Variants in ERAP1 observed in about 807,000 individuals in gnomAD.
ERAP1 encodes adipocyte-derived leucine aminopeptidase.
Under a neutral mutation model 103.7 loss-of-function variants are expected in ERAP1, and 86 were observed. The ratio of observed to expected loss-of-function variants is 0.83; its 90% CI spans 0.70 to 0.99. The LOEUF (loss-of-function observed/expected upper bound fraction) is 0.99. ERAP1 is among the 50% of genes least tolerant of loss of function. The probability of loss-of-function intolerance (pLI) is 0.00; values close to 1 mark genes in which losing one functional copy is unlikely to be tolerated. For synonymous variants in ERAP1, 398 were observed against 402.4 expected, an observed-to-expected ratio of 0.99 and a Z score of 0.13; for missense variants, 1,009 against 1,128.4, an observed-to-expected ratio of 0.89 and a Z score of 1.52.
chr5:96,902,289 C>T, the ERAP1 span: 50 of 1,608,166 alleles, frequency 3.1e-5, no homozygotes, highest in Non-Finnish European at 4.1e-5. Context: ...TGTGGCATAT[C>T]CCATTGACCT....
chr5:96,836,182 T>G, the ERAP1 span, among the ~76,000 whole-genome samples: 1 of 150,074 alleles, frequency 6.7e-6, no homozygotes, highest in African/African-American at 2.4e-5. Flanking sequence ...TTTGGTTTTT[T>G]TTTTTTTTTT....
At chr5:96,862,781 G>A in the ERAP1 span, among the ~76,000 whole-genome samples, 1 of 152,108 alleles carries the variant, frequency 6.6e-6, no homozygotes, top group East Asian at 1.9e-4. Context: ...CCAAGCATAT[G>A]AGGCAATTGA....
chr5:96,915,710 A>C, the ERAP1 span: 1 of 1,593,558 alleles, frequency 6.3e-7, no homozygotes, highest in South Asian at 1.1e-5. Flanking sequence ...CTCATATGAC[A>C]TAAGGATGAT....
At chr5:96,886,495 G>C in the ERAP1 span, among the ~76,000 whole-genome samples, 1 of 152,216 alleles carries the variant, frequency 6.6e-6, no homozygotes. Context: ...GGAGGTAAGA[G>C]AGGCTACAGA....
At chr5:96,898,971 C>A in the ERAP1 span, among the ~76,000 whole-genome samples, 1 of 152,148 alleles carries the variant, frequency 6.6e-6, no homozygotes, top group East Asian at 1.9e-4. Flanking sequence ...TCCCCTCCAA[C>A]ACGGAAGAAT....
the ERAP1 span, chr5:96,902,352 A>G: frequency 1.4e-5 from 23 of 1,604,114 alleles, no homozygotes; most frequent in East Asian, 5.1e-4. Flanking sequence ...AATCAAAGAC[A>G]GGTAATGAAC....
the ERAP1 span, among the ~76,000 whole-genome samples, chr5:96,925,733 T>G: frequency 1.3e-5 from 2 of 152,026 alleles, no homozygotes. Context: ...AGGGTTCCAT[T>G]TGGGAAAAAA....
the ERAP1 span, among the ~76,000 whole-genome samples, chr5:96,819,160 G>A: frequency 2.0e-5 from 3 of 152,036 alleles, no homozygotes; most frequent in East Asian, 3.9e-4. Flanking sequence ...TCTTGACCTC[G>A]TGATCTGCCC....
At chr5:96,839,612 A>G in the ERAP1 span, among the ~76,000 whole-genome samples, 7 of 152,138 alleles carry the variant, frequency 4.6e-5, no homozygotes, top group African/African-American at 7.2e-5. Context: ...ATATATCGAC[A>G]CGGTCCACAG....
chr5:96,775,757 G>A lies in ERAP1; in HGVS notation c.*639C>T. ...CTCGGAGCTAAGACCCTCAGGGGAG[G>A]CCAGCCCGAGGCATCCCGCAAGGGA... On this transcript the variant is annotated 3_prime_UTR_variant, in exon 19 of 19. Transcript: ENST00000443439. 9.6e-6 allele frequency: 2 copies of A among 208,694 alleles called. No homozygotes were observed. The highest frequency in any genetic ancestry group is 1.7e-5 in the Non-Finnish European group (2 of 119,484). 12.9% of individuals were successfully genotyped at this position (208,694 alleles called of 1,614,324 possible).
At chr5:96,861,731 C>T in the ERAP1 span, among the ~76,000 whole-genome samples, 7 of 152,118 alleles carry the variant, frequency 4.6e-5, no homozygotes, top group Admixed American at 4.6e-4. Context: ...GAAAGTGAGG[C>T]AACAGAACTT....
At chr5:96,865,110 G>A in the ERAP1 span, among the ~76,000 whole-genome samples, 1 of 152,058 alleles carries the variant, frequency 6.6e-6, no homozygotes, top group Middle Eastern at 3.2e-3. Context: ...ATGGGATATG[G>A]TCCCTGATAG....
Position 96,765,372 on chromosome 5 carries a change from T to G in ERAP1, c.2819-2144A>C, listed in dbSNP as rs759999341. The G allele has an allele frequency of 8.6e-6, 8 of 928,702 alleles. 1 individual carries two copies. Among genetic ancestry groups the G allele is most frequent in the Non-Finnish European group, 1.3e-5 (8 of 592,830 alleles). The allele number at this position is 928,702 out of a possible 1,614,324, so 57.5% of individuals were successfully genotyped here. A position where few individuals can be genotyped will look rare whatever the true frequency, so the allele number is the denominator to read the frequency against. ...AAAAAAATTCACTAATAGTGAAATT[T>G]TAATCCTTGGGTCTTGACTCTGTCA... On this transcript the variant is annotated intron_variant, in intron 19 of 19. Transcript: ENST00000296754.
the ERAP1 span, chr5:96,919,095 G>A: frequency 1.3e-5 from 2 of 152,314 alleles, no homozygotes; most frequent in Non-Finnish European, 2.9e-5. Flanking sequence ...AATGACTGAT[G>A]TTTGCATTAT....
chr5:96,894,016 G>C, the ERAP1 span, among the ~76,000 whole-genome samples: 8 of 152,074 alleles, frequency 5.3e-5, no homozygotes, highest in Non-Finnish European at 8.8e-5. Flanking sequence ...ATTTCCTCCT[G>C]GAATCCCCTC....
the ERAP1 span, among the ~76,000 whole-genome samples, chr5:96,845,410 T>C: frequency 6.6e-6 from 1 of 152,108 alleles, no homozygotes; most frequent in Non-Finnish European, 1.5e-5. Context: ...AATTTTTGTA[T>C]TTTTAGTAGA....
Position 96,795,095 on chromosome 5 carries a change from A to T in ERAP1, c.866T>A (p.Leu289His). The T allele has an allele frequency of 6.2e-7, 1 of 1,614,060 alleles. No individual in the cohort carries two copies. The highest frequency in any genetic ancestry group is 8.5e-7 in the Non-Finnish European group (1 of 1,180,000). Residue 289 changes from leucine to histidine, a missense_variant, in exon 5 of 19, where the codon CTT (leucine) becomes CAT (histidine). Leu to His is a moderately conservative substitution (Grantham distance 99). This residue lies in a region of ERAP1 where 392 missense variants were observed against 455.2 expected (regional missense o/e 0.86). Coordinates refer to ENST00000443439, the MANE Select transcript of ERAP1 (RefSeq NM_001040458.3). The stretch of plus-strand genomic sequence containing the variant: ...GAAATAATCCTCATAAAATTCTAGA[A>T]GAGTCACCGCAGCATCCAGTGCATA... ...ADYALDAAVT[L>H]LEFYEDYFSI...
upstream of ERAP1, among the ~76,000 whole-genome samples, chr5:96,813,052 A>AAG (rs1457776943): frequency 6.6e-6 from 1 of 152,160 alleles, no homozygotes; most frequent in African/African-American, 2.4e-5. Flanking sequence ...AAGTGGAAGA[A>AAG]AGAGACATTA....
chr5:96,819,027 G>C, the ERAP1 span, among the ~76,000 whole-genome samples: 1 of 152,044 alleles, frequency 6.6e-6, no homozygotes, highest in African/African-American at 2.4e-5. Flanking sequence ...CCAGGTTCAA[G>C]CGATTCTCCT....
Sources: gnomAD v4.1 joint callset for allele counts (sites outside exome capture counted in the v4.1 genomes callset) on GRCh38, gnomAD v4.1.1 for gene constraint, gnomAD v4.1.1 regional missense constraint, MANE v1.5 for transcripts, NCBI Gene and HGNC (gene_info 2026-07-23, HGNC 2026-07-21) for gene names.